AKT3: variants seen among roughly 807,000 people sequenced by gnomAD.
AKT3 encodes RAC-gamma serine/threonine-protein kinase.
AKT3 carries 15 observed loss-of-function variants against 65.3 expected under a neutral mutation model. The ratio of observed to expected loss-of-function variants is 0.23; its 90% confidence interval spans 0.15 to 0.35. AKT3 has a LOEUF of 0.35. AKT3 is among the 10% of genes least tolerant of loss of function. AKT3 has a pLI of 1.00. For missense variants in AKT3, 243 were observed against 576.5 expected, an observed-to-expected ratio of 0.42 and a Z score of 5.92; for synonymous variants, 206 against 183.8, an observed-to-expected ratio of 1.12 and a Z score of -0.98.
rs556515564 is a variant in AKT3 at position 243,688,156 on chromosome 1, GA to G, written c.172+7434del. 4.0e-5 allele frequency among the ~76,000 whole-genome samples: 6 copies of G among 150,862 alleles called. No homozygotes were observed. In the South Asian group the frequency reaches 6.3e-4, roughly 16 times the overall value. ...ATGTTTTTTAAATAAAGTAAATCAA[GA>G]AAAAAAAGAAAGCACCAAATCTTCA... On this transcript the variant is annotated intron_variant, in intron 3 of 13. Transcript: ENST00000673466.
At chr1:243,579,508 G>C (rs1413679079) in intron 8 of AKT3, among the ~76,000 whole-genome samples, 3 of 152,172 alleles carry the variant, frequency 2.0e-5, no homozygotes, top group Non-Finnish European at 2.9e-5. Flanking sequence ...CTGTACTTAG[G>C]AATTAGGTCA....
At chr1:243,642,584 C>T (rs1191676595) in intron 5 of AKT3, among the ~76,000 whole-genome samples, 1 of 152,196 alleles carries the variant, frequency 6.6e-6, no homozygotes, top group Non-Finnish European at 1.5e-5. Flanking sequence ...GCTGGGATTA[C>T]AGGCGTGAGC....
intron 3 of AKT3, among the ~76,000 whole-genome samples, chr1:243,667,077 T>C (rs1267271490): frequency 6.6e-6 from 1 of 152,094 alleles, no homozygotes. Flanking sequence ...ATCCAAAATT[T>C]GAAATACAAT....
At chr1:243,696,769 C>T (rs972624241) in intron 2 of AKT3, among the ~76,000 whole-genome samples, 6 of 151,946 alleles carry the variant, frequency 3.9e-5, no homozygotes, top group East Asian at 1.9e-4. Flanking sequence ...ACCCTTAATA[C>T]GTTATATCTA....
intron 2 of AKT3, among the ~76,000 whole-genome samples, chr1:243,759,503 T>G (rs1177536581): frequency 6.6e-6 from 1 of 151,842 alleles, no homozygotes; most frequent in Admixed American, 6.6e-5. Context: ...ATGCTATACC[T>G]TCCCAAAATA....
At chr1:243,848,330 T>C (rs1246665487) in intron 1 of AKT3, among the ~76,000 whole-genome samples, 1 of 152,236 alleles carries the variant, frequency 6.6e-6, no homozygotes, top group Non-Finnish European at 1.5e-5. Flanking sequence ...ATCTTGCATA[T>C]AATTGTGCAT....
chr1:243,648,298 T>C (rs911322018), intron 4 of AKT3, among the ~76,000 whole-genome samples: 1 of 151,534 alleles, frequency 6.6e-6, no homozygotes, highest in East Asian at 1.9e-4. Context: ...AAAATAAAAC[T>C]GTCAAATTCT....
At chr1:243,718,675 G>A (rs993875363) in intron 2 of AKT3, among the ~76,000 whole-genome samples, 3 of 151,360 alleles carry the variant, frequency 2.0e-5, no homozygotes, top group African/African-American at 2.4e-5. Context: ...GGGTTTCACC[G>A]TGTTAGCCAG....
At chr1:243,754,959 T>C (rs1689035950) in intron 2 of AKT3, among the ~76,000 whole-genome samples, 1 of 152,164 alleles carries the variant, frequency 6.6e-6, no homozygotes, top group Non-Finnish European at 1.5e-5. Context: ...TTCCATGAAG[T>C]CAAGAACCCT....
Position 243,695,594 on chromosome 1 carries a change from C to A in AKT3, c.169G>T (p.Ala57Ser), listed in dbSNP as rs1685011473. Residue 57 changes from alanine to serine, a missense_variant, in exon 3 of 14, where the codon GCA becomes TCA. Transcript: ENST00000673466. ...TCAACAATTATAATTAACTTACTTG[C>A]CACTGAAAAGTTGTTGAGGGGATAA... ...LPYPLNNFSV[A>S]KCQLMKTERP... 2 of 1,586,508 alleles carry A rather than the reference C, an allele frequency of 1.3e-6. No individual in the cohort carries two copies. Among genetic ancestry groups the A allele is most frequent in the Non-Finnish European group, 8.6e-7 (1 of 1,165,382 alleles).
In AKT3 at chr1:243,718,159, T is replaced by C. The variant is rs559799596; in HGVS notation, c.47-22443A>G. Among the ~76,000 whole-genome samples, 29 of 152,296 alleles carry C rather than the reference T, an allele frequency of 1.9e-4. No homozygotes were observed. The East Asian group carries it at 5.2e-3, about 27-fold the overall frequency. The stretch of plus-strand genomic sequence containing the variant: ...CCCAAGGCTCAGCTGAGGTGGTCTC[T>C]TACCATTTGTTTAGAAGGGAATCTG... On this transcript the variant is annotated intron_variant, in intron 2 of 13. Coordinates refer to ENST00000673466, the MANE Select transcript of AKT3 (RefSeq NM_005465.7).
chr1:243,585,244 C>T (rs774969159), intron 8 of AKT3, among the ~76,000 whole-genome samples: 4 of 151,942 alleles, frequency 2.6e-5, no homozygotes, highest in Non-Finnish European at 4.4e-5. Context: ...ATGACACAAA[C>T]AAATGAAAAA....
At chr1:243,745,980 A>T (rs1291787179) in intron 2 of AKT3, among the ~76,000 whole-genome samples, 1 of 152,230 alleles carries the variant, frequency 6.6e-6, no homozygotes, top group Non-Finnish European at 1.5e-5. Context: ...CAAAAAAATT[A>T]ATGTAGCAAA....
intron 6 of AKT3, among the ~76,000 whole-genome samples, chr1:243,628,751 A>G (rs531349875): frequency 9.2e-5 from 14 of 152,244 alleles, no homozygotes; most frequent in Non-Finnish European, 1.8e-4. Flanking sequence ...TAGCAGTTCA[A>G]AGGTAATCAG....
chr1:243,801,038 C>A (rs1157709153), intron 2 of AKT3, among the ~76,000 whole-genome samples: 3 of 152,114 alleles, frequency 2.0e-5, no homozygotes, highest in Admixed American at 1.3e-4. Flanking sequence ...TGAAGTTTAC[C>A]ATCTAGCCTA....
intron 9 of AKT3, 53 bp downstream of exon 9, chr1:243,572,873 G>C (rs2148506730): frequency 1.3e-6 from 2 of 1,503,886 alleles, no homozygotes; most frequent in East Asian, 4.6e-5. Flanking sequence ...CTTTATGTTT[G>C]TCCCTATAGT....
intron 2 of AKT3, among the ~76,000 whole-genome samples, chr1:243,792,442 T>C (rs1691690347): frequency 6.6e-6 from 1 of 152,162 alleles, no homozygotes; most frequent in Admixed American, 6.5e-5. Flanking sequence ...TATACATCTA[T>C]ATATATAACC....
chr1:243,492,758 C>T (rs1666877890), intron 13 of AKT3, among the ~76,000 whole-genome samples: 2 of 151,798 alleles, frequency 1.3e-5, no homozygotes, highest in Admixed American at 6.6e-5. Flanking sequence ...CAGGTGCCTG[C>T]CACCACGCCT....
intron 2 of AKT3, among the ~76,000 whole-genome samples, chr1:243,750,466 C>T (rs903434522): frequency 1.3e-5 from 2 of 151,878 alleles, no homozygotes; most frequent in African/African-American, 4.8e-5. Context: ...TTTACAAGGA[C>T]AGCAAGCTCA....
Sources: gnomAD v4.1 joint callset for allele counts (sites outside exome capture counted in the v4.1 genomes callset) on GRCh38, gnomAD v4.1.1 for gene constraint, MANE v1.5 for transcripts, NCBI Gene and HGNC (gene_info 2026-07-23, HGNC 2026-07-21) for gene names.